Variants in CFAP20DC observed in about 807,000 individuals in gnomAD.
The protein encoded by CFAP20DC is protein CFAP20DC.
CFAP20DC carries 84 observed loss-of-function variants against 101.7 expected under a neutral mutation model. The observed-to-expected ratio is 0.83, with a 90% CI of 0.69 to 0.99. CFAP20DC has a LOEUF of 0.99. Among genes scored for constraint, CFAP20DC ranks in the 50% least tolerant of loss-of-function variants. The pLI is 0.00. For synonymous variants in CFAP20DC, 359 were observed against 351.2 expected (o/e 1.02, Z -0.25); for missense variants, 1,007 against 970.3 (o/e 1.04, Z -0.50).
Position 58,849,332 on chromosome 3 carries a change from C to A in CFAP20DC, c.1671G>T (p.Leu557=), listed in dbSNP as rs1346024826. 1 of 1,535,990 alleles carries A rather than the reference C, an allele frequency of 6.5e-7. No homozygotes were observed. The highest frequency in any genetic ancestry group is 2.0e-5 in the Admixed American group (1 of 50,994). The change falls in exon 13 of 17, where the codon CTG becomes CTT. Residue 557 remains leucine, a synonymous_variant. Coordinates refer to ENST00000482387, the MANE Select transcript of CFAP20DC (RefSeq NM_001394063.1). ...TTGTCCGCTTTGCAGCCTTCCCCAG[C>A]AGGCTCTCTAATGTTAACTGAGTTA... ...SELTQLTLES[L]LGKAAKRTSK...
chr3:58,811,295 C>A (rs922506027), intron 14 of CFAP20DC, among the ~76,000 whole-genome samples: 1 of 152,164 alleles, frequency 6.6e-6, no homozygotes, highest in Non-Finnish European at 1.5e-5. Flanking sequence ...CGTTACCTGA[C>A]TGCAAAGTAT....
intron 14 of CFAP20DC, among the ~76,000 whole-genome samples, chr3:58,810,212 C>T (rs1393416626): frequency 6.6e-6 from 1 of 152,072 alleles, no homozygotes; most frequent in Non-Finnish European, 1.5e-5. Flanking sequence ...ATGAGGCCAG[C>T]ATCATCCTGA....
chr3:58,806,410 G>A lies in CFAP20DC; in HGVS notation c.2222C>T (p.Ser741Phe). ...TGATTCTTACCGGGGATTAGAAGGA[G>A]AAGGTGGGTTCATTTCTTTCTGATA... ...RHYQKEMNPP[S>F]PSNPRDWLNM... The change falls in exon 15 of 17, where the codon TCT (serine) becomes TTT (phenylalanine). Residue 741 changes from serine (S) to phenylalanine (F), a missense_variant. Coordinates refer to ENST00000482387, the MANE Select transcript of CFAP20DC (RefSeq NM_001394063.1). The A allele has an allele frequency of 6.2e-7, 1 of 1,606,774 alleles. No individual in the cohort carries two copies. Among genetic ancestry groups the A allele is most frequent in the Non-Finnish European group, 8.5e-7 (1 of 1,173,380 alleles).
At chr3:58,969,377 T>C (rs547664713) in intron 4 of CFAP20DC, among the ~76,000 whole-genome samples, 15 of 152,306 alleles carry the variant, frequency 9.8e-5, no homozygotes, top group Admixed American at 5.2e-4. Context: ...AGAATCCTCA[T>C]CATTGCTGAT....
chr3:59,023,997 G>A (rs1273560493), intron 4 of CFAP20DC, among the ~76,000 whole-genome samples: 2 of 152,080 alleles, frequency 1.3e-5, no homozygotes, highest in African/African-American at 4.8e-5. Flanking sequence ...TGAAGTAACA[G>A]AGGGGATTCA....
At chr3:58,931,482 C>A (rs1301831128) in intron 5 of CFAP20DC, among the ~76,000 whole-genome samples, 2 of 152,210 alleles carry the variant, frequency 1.3e-5, no homozygotes, top group African/African-American at 4.8e-5. Flanking sequence ...AAGTGGGTCC[C>A]TGACCCCTGA....
chr3:58,923,110 C>A (rs929829844), intron 5 of CFAP20DC, among the ~76,000 whole-genome samples: 1 of 152,062 alleles, frequency 6.6e-6, no homozygotes, highest in African/African-American at 2.4e-5. Flanking sequence ...TTTCGCCATG[C>A]TGCCCAGGTT....
chr3:58,781,398 G>T (rs1461767039), intron 15 of CFAP20DC, among the ~76,000 whole-genome samples: 2 of 151,656 alleles, frequency 1.3e-5, no homozygotes, highest in Non-Finnish European at 2.9e-5. Context: ...AACTAGAAAA[G>T]CAAGAACAAA....
At chr3:58,846,570 G>A (rs1481012317) in intron 13 of CFAP20DC, among the ~76,000 whole-genome samples, 4 of 149,146 alleles carry the variant, frequency 2.7e-5, no homozygotes, top group African/African-American at 7.3e-5. Flanking sequence ...AATCAATATC[G>A]TGAAAATGGC....
intron 15 of CFAP20DC, among the ~76,000 whole-genome samples, chr3:58,754,329 C>G: frequency 6.6e-6 from 1 of 152,124 alleles, no homozygotes; most frequent in South Asian, 2.1e-4. Flanking sequence ...GGGAGTCAGT[C>G]TCTCTTAACT....
intron 13 of CFAP20DC, among the ~76,000 whole-genome samples, chr3:58,842,915 C>A (rs1339906608): frequency 6.6e-6 from 1 of 152,202 alleles, no homozygotes; most frequent in Non-Finnish European, 1.5e-5. Context: ...TGACACCTCA[C>A]ACGGCAGCGT....
chr3:58,803,636 C>T (rs2073861507), intron 15 of CFAP20DC, among the ~76,000 whole-genome samples: 1 of 151,974 alleles, frequency 6.6e-6, no homozygotes, highest in African/African-American at 2.4e-5. Flanking sequence ...ATTTATGGCC[C>T]AATAATGCCT....
intron 6 of CFAP20DC, among the ~76,000 whole-genome samples, chr3:58,885,566 C>G (rs1160767183): frequency 6.6e-6 from 1 of 151,402 alleles, no homozygotes; most frequent in Non-Finnish European, 1.5e-5. Context: ...TTCCTCTTAT[C>G]TAGCCATACA....
chr3:58,928,384 C>T (rs148429201), intron 5 of CFAP20DC, among the ~76,000 whole-genome samples: 1 of 152,132 alleles, frequency 6.6e-6, no homozygotes, highest in African/African-American at 2.4e-5. Flanking sequence ...GACTTATAAT[C>T]CTTATCTAGG....
intron 15 of CFAP20DC, among the ~76,000 whole-genome samples, chr3:58,804,805 T>G (rs945163179): frequency 3.9e-5 from 6 of 152,220 alleles, no homozygotes; most frequent in African/African-American, 9.6e-5. Flanking sequence ...TATTGAGAGA[T>G]AGCTAATTCT....
At chr3:58,816,104 C>G in intron 14 of CFAP20DC, among the ~76,000 whole-genome samples, 1 of 151,790 alleles carries the variant, frequency 6.6e-6, no homozygotes, top group Non-Finnish European at 1.5e-5. Flanking sequence ...AGACTGGGAA[C>G]CAACCCAAAT....
chr3:58,717,708 G>A lies in CFAP20DC; in HGVS notation c.198-80C>T, dbSNP rs533859096. ...GCCTTTTATTCTGGGTCTGTCCATTGTTATCAGGAAAACAATGCTTTTTCT... is the reference window on the plus strand; with the variant it reads ...GCCTTTTATTCTGGGTCTGTCCATTATTATCAGGAAAACAATGCTTTTTCT... On this transcript the variant is annotated intron_variant, in intron 3 of 3. Coordinates refer to the CFAP20DC transcript ENST00000486145. The surrounding 1 kb of genome is among the most constrained non-coding windows in gnomAD (Gnocchi z 4.1). The A allele has an allele frequency of 3.4e-4, 133 of 389,282 alleles. No homozygotes were observed. The highest frequency in any genetic ancestry group is 2.5e-3 in the African/African-American group (116 of 46,844). The allele number at this position is 389,282 out of a possible 1,614,324, so 24.1% of individuals were successfully genotyped here.
At chr3:59,005,779 G>A (rs2108799120) in intron 4 of CFAP20DC, among the ~76,000 whole-genome samples, 1 of 152,166 alleles carries the variant, frequency 6.6e-6, no homozygotes. Context: ...GTGGTCGATA[G>A]AGACTACATT....
chr3:58,765,507 A>AAAAAAAAAAAAAAAAAAAAAC (rs1553651634), intron 15 of CFAP20DC, among the ~76,000 whole-genome samples: 1 of 146,586 alleles, frequency 6.8e-6, no homozygotes, highest in African/African-American at 2.5e-5. Context: ...AAAAAAAAAA[A>AAAAAAAAAAAAAAAAAAAAAC]CAAACAGAAA....
Sources: allele counts gnomAD v4.1 joint callset (sites outside exome capture counted in the v4.1 genomes callset), GRCh38; gene constraint gnomAD v4.1.1; non-coding constraint Gnocchi (gnomAD v3.1); transcripts MANE v1.5; gene names NCBI Gene and HGNC (gene_info 2026-07-23, HGNC 2026-07-21).